PCDHGB1: variants seen among roughly 807,000 people sequenced by gnomAD.
The protein encoded by PCDHGB1 is protocadherin gamma-B1.
A neutral mutation model predicts 56.6 loss-of-function variants in PCDHGB1; 34 were observed. That is an observed-to-expected ratio of 0.60 (90% confidence interval 0.46 to 0.80). The LOEUF is 0.80. Among genes scored for constraint, PCDHGB1 ranks in the 30% least tolerant of loss-of-function variants. The probability of loss-of-function intolerance (pLI) is 0.00; values close to 1 mark genes in which losing one functional copy is unlikely to be tolerated. For synonymous variants in PCDHGB1, 561 were observed against 505.9 expected, an observed-to-expected ratio of 1.11 and a Z score of -1.46; for missense variants, 1,278 against 1,204.6, an observed-to-expected ratio of 1.06 and a Z score of -0.90.
intron 1 of PCDHGB1, chr5:141,374,799 C>T (rs1177554784): frequency 3.1e-6 from 5 of 1,613,978 alleles, no homozygotes; most frequent in African/African-American, 2.7e-5. Flanking sequence ...AATGACAACA[C>T]TCCAATGTTT....
intron 1 of PCDHGB1, chr5:141,409,175 G>A: frequency 5.0e-6 from 8 of 1,614,008 alleles, no homozygotes; most frequent in Non-Finnish European, 6.8e-6. Flanking sequence ...GAAGGACGGA[G>A]GTGGTCTCTC....
At position 141,355,420 on chromosome 5, in the gene PCDHGB1, C is replaced by CT. The variant is rs35876439; in HGVS notation, c.2409+2755dup. On this transcript the variant is annotated intron_variant, in intron 1 of 3. Coordinates refer to ENST00000523390, the MANE Select transcript of PCDHGB1 (RefSeq NM_018922.3). ...CATCGTCTCCAGAGGTAGGACGCAG[C>CT]TTTTCGCCCTGAACCCGCGCAGCGG... is the stretch of plus-strand genomic sequence containing the variant. The CT allele has an allele frequency of 1.4e-5, 22 of 1,614,124 alleles. No individual in the cohort carries two copies. In the South Asian group the frequency reaches 2.4e-4, roughly 18 times the overall value.
chr5:141,365,946 AC>A (rs774882856), intron 1 of PCDHGB1: 230 of 1,614,020 alleles, frequency 1.4e-4, no homozygotes, highest in Non-Finnish European at 1.9e-4. Flanking sequence ...GACAGTGGGA[AC>A]CCTCCACTTA....
rs769551114 is a variant in PCDHGB1, at chr5:141,402,989, T to A, written c.2409+50320T>A. On this transcript the variant is annotated intron_variant, in intron 1 of 3. Coordinates refer to ENST00000523390, the MANE Select transcript of PCDHGB1 (RefSeq NM_018922.3). ...AACCAAATGCCAGCTCCGCGGAAGA[T>A]TAGTCCTGCTATGCTCGCTCCTGGG... The A allele has an allele frequency of 2.5e-6, 4 of 1,611,874 alleles. No homozygotes were observed. Among genetic ancestry groups the A allele is most frequent in the Non-Finnish European group, 3.4e-6 (4 of 1,179,236 alleles).
chr5:141,497,385 C>T (rs2154592097), intron 2 of PCDHGB1, among the ~76,000 whole-genome samples: 1 of 152,212 alleles, frequency 6.6e-6, no homozygotes, highest in African/African-American at 2.4e-5. Flanking sequence ...GGGGTGAGCA[C>T]CTTACCCCTG....
intron 1 of PCDHGB1, chr5:141,421,806 A>C (rs1027166084): frequency 4.3e-6 from 7 of 1,613,724 alleles, no homozygotes; most frequent in Non-Finnish European, 5.1e-6. Flanking sequence ...CCAAGAATCC[A>C]GAGCTAGTAC....
At chr5:141,399,254 G>A (rs2093775351) in intron 1 of PCDHGB1, 1 of 1,613,806 alleles carries the variant, frequency 6.2e-7, no homozygotes, top group East Asian at 2.2e-5. Context: ...GGGGAAAATG[G>A]GGAGGTTAAT....
At chr5:141,361,145 T>A in intron 1 of PCDHGB1, 1 of 1,613,964 alleles carries the variant, frequency 6.2e-7, no homozygotes, top group East Asian at 2.2e-5. Context: ...CAAGTTGAAA[T>A]TCTTGATGAC....
intron 1 of PCDHGB1, chr5:141,423,074 G>T (rs2096705802): frequency 6.2e-7 from 1 of 1,614,006 alleles, no homozygotes; most frequent in African/African-American, 1.3e-5. Flanking sequence ...AGCGAGCCGG[G>T]ACTCTTCGCG....
At chr5:141,361,529 A>G in intron 1 of PCDHGB1, 1 of 1,614,030 alleles carries the variant, frequency 6.2e-7, no homozygotes, top group South Asian at 1.1e-5. Context: ...GCAGAGAACA[A>G]TCCTCCTGGC....
chr5:141,395,126 C>T, intron 1 of PCDHGB1: 3 of 1,614,196 alleles, frequency 1.9e-6, no homozygotes, highest in Non-Finnish European at 2.5e-6. Flanking sequence ...TGATCTTTCC[C>T]CAGCCCAACT....
intron 1 of PCDHGB1, among the ~76,000 whole-genome samples, chr5:141,451,826 A>G (rs2098725686): frequency 6.6e-6 from 1 of 151,720 alleles, no homozygotes; most frequent in Non-Finnish European, 1.5e-5. Context: ...GGTTACAGTG[A>G]GCCGAGATCA....
intron 1 of PCDHGB1, among the ~76,000 whole-genome samples, chr5:141,466,863 C>A (rs1409042461): frequency 1.3e-5 from 2 of 152,070 alleles, no homozygotes; most frequent in African/African-American, 4.8e-5. Context: ...ATTTTGAAAT[C>A]CACACATTTT....
intron 1 of PCDHGB1, chr5:141,399,206 C>T (rs2093769623): frequency 1.2e-6 from 2 of 1,613,908 alleles, no homozygotes; most frequent in South Asian, 2.2e-5. Flanking sequence ...GTGCCTGGAA[C>T]ACTAATTGCT....
chr5:141,451,443 C>A (rs1184838490), intron 1 of PCDHGB1, among the ~76,000 whole-genome samples: 1 of 152,176 alleles, frequency 6.6e-6, no homozygotes, highest in Non-Finnish European at 1.5e-5. Context: ...CAGTTCCTTG[C>A]TGGTTGTTAG....
At chr5:141,358,959 G>T (rs190697556) in intron 1 of PCDHGB1, among the ~76,000 whole-genome samples, 1 of 152,196 alleles carries the variant, frequency 6.6e-6, no homozygotes, top group Admixed American at 6.5e-5. Context: ...CTTTCATTTA[G>T]GTTCTGTGAG....
rs751153896 is a variant in PCDHGB1, at chr5:141,477,514, T to C, written c.2410-17293T>C. On this transcript the variant is annotated intron_variant, in intron 1 of 3. Transcript: ENST00000523390. The surrounding 1 kb of genome is among the most constrained non-coding windows in gnomAD (Gnocchi z 4.9). ...CTCAATCTTCCTACGACGTTTACAT[T>C]GAAGAAAACAACCTCCCCGGGGCTC... is the stretch of plus-strand genomic sequence containing the variant. 2 of 1,614,114 alleles carry C rather than the reference T, an allele frequency of 1.2e-6. No individual in the cohort carries two copies. The highest frequency in any genetic ancestry group is 2.2e-5 in the East Asian group (1 of 44,878).
rs561392729 is a variant in PCDHGB1, at chr5:141,475,706, G to T, written c.2410-19101G>T. On this transcript the variant is annotated intron_variant, in intron 1 of 3. Transcript: ENST00000523390. ...GGATTGGAGACTTGCAGAACGGCTA[G>T]CCTCACAGCCCCAAGGCTGGCTTTC... Among the ~76,000 whole-genome samples the T allele has an allele frequency of 7.2e-5, 11 of 152,364 alleles. 1 individual carries two copies. In the South Asian group the frequency reaches 2.3e-3, roughly 32 times the overall value.
intron 1 of PCDHGB1, among the ~76,000 whole-genome samples, chr5:141,451,106 G>A (rs1204327490): frequency 1.3e-5 from 2 of 152,164 alleles, no homozygotes; most frequent in African/African-American, 4.8e-5. Context: ...GGGATTACAG[G>A]CGTGAGCCAC....
Sources: gnomAD v4.1 joint callset for allele counts (sites outside exome capture counted in the v4.1 genomes callset) on GRCh38, gnomAD v4.1.1 for gene constraint, Gnocchi (gnomAD v3.1) non-coding constraint, MANE v1.5 for transcripts, NCBI Gene and HGNC (gene_info 2026-07-23, HGNC 2026-07-21) for gene names.